The following CRX variants were observed in gnomAD, a reference collection of about 807,000 sequenced individuals.
CRX encodes the protein cone-rod homeobox.
CRX carries 5 observed loss-of-function variants against 13.1 expected under a neutral mutation model. The ratio of observed to expected loss-of-function variants is 0.38; its 90% CI spans 0.20 to 0.80. CRX has a LOEUF of 0.80. CRX is among the 30% of genes least tolerant of loss of function. The pLI, the probability that CRX is intolerant of heterozygous loss-of-function variation, is 0.43. For missense variants in CRX, 351 were observed against 391.8 expected (o/e 0.90, Z 0.88); for synonymous variants, 179 against 171.1 (o/e 1.05, Z -0.36).
intron 2 of CRX, among the ~76,000 whole-genome samples, chr19:47,835,620 GTTT>G (rs34872129): frequency 9.8e-6 from 1 of 102,208 alleles, no homozygotes; most frequent in African/African-American, 4.1e-5. Context: ...TTTAGCTCTT[GTTT>G]TTTTTTTTTT....
At chr19:47,835,676 C>A (rs1255246712) in intron 2 of CRX, among the ~76,000 whole-genome samples, 3 of 137,350 alleles carry the variant, frequency 2.2e-5, no homozygotes, top group Non-Finnish European at 4.6e-5. Flanking sequence ...GGCTGGAGTG[C>A]AGTGGCATAA....
chr19:47,833,934 G>A (rs1968085354), intron 1 of CRX, among the ~76,000 whole-genome samples: 1 of 151,912 alleles, frequency 6.6e-6, no homozygotes, highest in South Asian at 2.1e-4. Context: ...TCCCACCTCA[G>A]CCTCCTGGGT....
intron 2 of CRX, 49 bp from the exon 3 acceptor site, chr19:47,836,194 A>G: frequency 6.2e-7 from 1 of 1,612,436 alleles, no homozygotes; most frequent in Non-Finnish European, 8.5e-7. Context: ...AGGGCCTCAC[A>G]CCAGCCCATG....
At position 47,838,684 on chromosome 19, in the gene CRX, G is replaced by A. The variant is rs116243402; in HGVS notation, c.253-636G>A. ...GTAAACGTATGCATGATGTATGTGC[G>A]TATGGTGTATGTATGTATAATTGTA... is the stretch of plus-strand genomic sequence containing the variant. On this transcript the variant is annotated intron_variant, in intron 3 of 3. Transcript: ENST00000221996. Among the ~76,000 whole-genome samples the A allele has an allele frequency of 6.5e-3, 997 of 152,216 alleles. 5 individuals are homozygous for A. Among genetic ancestry groups the A allele is most frequent in the African/African-American group, 0.019 (804 of 41,516 alleles).
intron 1 of CRX, among the ~76,000 whole-genome samples, chr19:47,823,753 G>T (rs549921880): frequency 6.6e-6 from 1 of 150,970 alleles, no homozygotes; most frequent in African/African-American, 2.5e-5. Context: ...AGGTTCAAGC[G>T]ATTCTCCTGC....
At chr19:47,827,729 G>T (rs1967991777) in intron 1 of CRX, among the ~76,000 whole-genome samples, 1 of 142,182 alleles carries the variant, frequency 7.0e-6, no homozygotes, top group Admixed American at 7.2e-5. Context: ...CACCATGTTG[G>T]CCAGGCTGAT....
chr19:47,836,527 T>C, intron 3 of CRX, 133 bp downstream of exon 3: 1 of 1,213,782 alleles, frequency 8.2e-7, no homozygotes, highest in Non-Finnish European at 1.2e-6. Flanking sequence ...CAATAATCCC[T>C]CTCCCCACCA....
rs762715327 is a variant in CRX at position 47,834,451 on chromosome 19, C to T, written c.8C>T (p.Ala3Val). Residue 3 changes from alanine to valine, a missense_variant, in exon 2 of 4, where the codon GCG (alanine) becomes GTG (valine). Transcript: ENST00000221996. Reference sequence around the variant, plus strand: ...TCAGTGTCCCCGAAGATCATGATGGCGTATATGAACCCGGGGCCCCACTAT... The same window carrying T: ...TCAGTGTCCCCGAAGATCATGATGGTGTATATGAACCCGGGGCCCCACTAT... MM[A>V]YMNPGPHYSV... The T allele has an allele frequency of 4.5e-5, 72 of 1,613,646 alleles. No homozygotes were observed. Among genetic ancestry groups the T allele is most frequent in the Non-Finnish European group, 5.6e-5 (66 of 1,179,702 alleles).
At chr19:47,825,363 C>G (rs912679130) in intron 1 of CRX, among the ~76,000 whole-genome samples, 2 of 152,004 alleles carry the variant, frequency 1.3e-5, no homozygotes, top group Non-Finnish European at 2.9e-5. Context: ...TGGGCTCAAG[C>G]GATCTTCCCA....
intron 3 of CRX, among the ~76,000 whole-genome samples, chr19:47,836,802 C>G (rs1249577033): frequency 6.6e-6 from 1 of 152,246 alleles, no homozygotes. Context: ...TATTTAGACT[C>G]TGTCTCTCCC....
Position 47,839,760 on chromosome 19 carries a change from C to A in CRX, c.693C>A (p.Gly231=), listed in dbSNP as rs780086369. 6.2e-7 allele frequency: 1 copy of A among 1,614,110 alleles called. No individual in the cohort carries two copies. Among genetic ancestry groups the A allele is most frequent in the South Asian group, 1.1e-5 (1 of 91,082 alleles). ...CTCCCATGGTGCCCCAGCTAGGGGG[C>A]CCGGCTCTTAGCCCCCTCTCTGGCC... ...YLSPMVPQLG[G]PALSPLSGPS... The change falls in exon 4 of 4, where the codon GGC becomes GGA. Residue 231 remains glycine, a synonymous_variant. Transcript: ENST00000221996. The surrounding 1 kb of genome is among the most constrained non-coding windows in gnomAD (Gnocchi z 4.6).
chr19:47,836,253 G>A lies in CRX; in HGVS notation c.111G>A (p.Arg37=). Residue 37 remains arginine, a synonymous_variant, in exon 3 of 4, where the codon AGG becomes AGA. Coordinates refer to ENST00000221996, the MANE Select transcript of CRX (RefSeq NM_000554.6). The part of the protein sequence containing the change: ...HQAVPYPSAP[R]KQRRERTTFT... Reference sequence around the variant, plus strand: ...CCCATCCCACCCCAGGCGCCCCCAGGAAGCAGCGGCGGGAGCGCACCACCT... The same window carrying A: ...CCCATCCCACCCCAGGCGCCCCCAGAAAGCAGCGGCGGGAGCGCACCACCT... The A allele has an allele frequency of 6.2e-7, 1 of 1,614,186 alleles. No homozygotes were observed. The highest frequency in any genetic ancestry group is 1.1e-5 in the South Asian group (1 of 91,090).
chr19:47,832,577 C>T (rs751813250), intron 1 of CRX, among the ~76,000 whole-genome samples: 25 of 151,790 alleles, frequency 1.6e-4, no homozygotes, highest in Non-Finnish European at 3.4e-4. Flanking sequence ...CCTCCGCCTC[C>T]CAGGTTCAAG....
At chr19:47,823,753 G>A (rs549921880) in intron 1 of CRX, among the ~76,000 whole-genome samples, 1 of 150,856 alleles carries the variant, frequency 6.6e-6, no homozygotes, top group East Asian at 1.9e-4. Flanking sequence ...AGGTTCAAGC[G>A]ATTCTCCTGC....
intron 1 of CRX, among the ~76,000 whole-genome samples, chr19:47,827,118 C>T (rs1433757677): frequency 6.6e-6 from 1 of 152,184 alleles, no homozygotes; most frequent in Non-Finnish European, 1.5e-5. Context: ...AGGGACTACA[C>T]AGGGCATGAA....
chr19:47,841,957 G>A lies in CRX; in HGVS notation c.*1990G>A, dbSNP rs540233997. The A allele has an allele frequency of 6.6e-6, 1 of 152,332 alleles. No homozygotes were observed. Among genetic ancestry groups the A allele is most frequent in the African/African-American group, 2.4e-5 (1 of 41,556 alleles). The allele number at this position is 152,332 out of a possible 1,614,324, so 9.4% of individuals were successfully genotyped here. On this transcript the variant is annotated 3_prime_UTR_variant, in exon 4 of 4. Transcript: ENST00000221996. ...AAGGTTGGTTGTGGAGTGTTTGTCA[G>A]TTTCCGTGGTGTAAATACTCCCACC...
intron 1 of CRX, among the ~76,000 whole-genome samples, chr19:47,831,736 CT>C (rs1045719484): frequency 6.6e-6 from 1 of 151,916 alleles, no homozygotes; most frequent in Non-Finnish European, 1.5e-5. Flanking sequence ...GAGCCTAGAA[CT>C]TTTTTTAATT....
At chr19:47,829,684 C>T (rs1968020327) in intron 1 of CRX, among the ~76,000 whole-genome samples, 1 of 151,940 alleles carries the variant, frequency 6.6e-6, no homozygotes, top group Non-Finnish European at 1.5e-5. Context: ...GGCTGGTGTG[C>T]GGTGGCATGC....
intron 2 of CRX, among the ~76,000 whole-genome samples, chr19:47,835,273 G>T (rs903642281): frequency 2.6e-5 from 4 of 151,774 alleles, no homozygotes; most frequent in East Asian, 3.9e-4. Flanking sequence ...GCCCAGGCTG[G>T]TCTCAAACTC....
Sources: allele counts gnomAD v4.1 joint callset (sites outside exome capture counted in the v4.1 genomes callset), GRCh38; gene constraint gnomAD v4.1.1; non-coding constraint Gnocchi (gnomAD v3.1); transcripts MANE v1.5; gene names NCBI Gene and HGNC (gene_info 2026-07-23, HGNC 2026-07-21).